The following MAP7D3 variants were observed in gnomAD, a reference collection of about 807,000 sequenced individuals.
The protein encoded by MAP7D3 is MAP7 domain-containing protein 3.
A neutral mutation model predicts 62.2 loss-of-function variants in MAP7D3; 45 were observed. The observed-to-expected ratio is 0.72, with a 90% CI of 0.57 to 0.93. MAP7D3 has a LOEUF of 0.93. Ranked by LOEUF, MAP7D3 falls within the 40% of genes least tolerant of loss-of-function variation. The probability of loss-of-function intolerance (pLI) is 0.00; values close to 1 mark genes in which losing one functional copy is unlikely to be tolerated. For missense variants in MAP7D3, 711 were observed against 683.1 expected, an observed-to-expected ratio of 1.04 and a Z score of -0.45; for synonymous variants, 288 against 248.8, an observed-to-expected ratio of 1.16 and a Z score of -1.48.
intron 7 of MAP7D3, among the ~76,000 whole-genome samples, chrX:136,235,523 C>G (rs976760633): frequency 2.7e-5 from 3 of 111,567 alleles, no homozygotes; most frequent in Admixed American, 9.5e-5. Context: ...CTGAGACAGG[C>G]GGATCATCTG....
rs774321578 is a variant in MAP7D3, at chrX:136,236,285, T to C, written c.695A>G (p.His232Arg). 2.5e-6 allele frequency: 3 copies of C among 1,198,408 alleles called. No homozygotes were observed. Among genetic ancestry groups the C allele is most frequent in the South Asian group, 3.6e-5 (2 of 55,148 alleles). Residue 232 changes from histidine (H) to arginine (R), a missense_variant, in exon 7 of 19, where the codon CAT (histidine) becomes CGT (arginine). His to Arg is a conservative substitution (Grantham distance 29). Coordinates refer to ENST00000316077, the MANE Select transcript of MAP7D3 (RefSeq NM_024597.4). The part of the protein sequence containing the change: ...SSLNRRDSNL[H>R]SSTDKEQAER... ...GGCTTGTTCTTTATCAGTAGACGAA[T>C]GTAGGTTACTATCTCTTCTATTTAA...
rs1040342425 is a variant in MAP7D3, at chrX:136,232,155, C to T, written c.802G>A (p.Glu268Lys). ...ATGGGAAACATAACAGCCCTCAATT[C>T]GTCGCTAGTACATTTACGCAAGGGT... is the stretch of plus-strand genomic sequence containing the variant. Reference protein sequence around the residue: ...TVPLRKCTSDELRAVMFPMST... With the variant: ...TVPLRKCTSDKLRAVMFPMST... The change falls in exon 8 of 19, where the codon GAA (glutamate) becomes AAA (lysine). Residue 268 changes from glutamate (E) to lysine (K), a missense_variant. Coordinates refer to ENST00000316077, the MANE Select transcript of MAP7D3 (RefSeq NM_024597.4). The T allele has an allele frequency of 2.2e-5, 27 of 1,206,774 alleles. No individual in the cohort carries two copies. The highest frequency in any genetic ancestry group is 2.8e-5 in the Non-Finnish European group (25 of 892,070).
At chrX:136,244,916 C>G in intron 3 of MAP7D3, 121 bp from the exon 4 acceptor site, 2 of 504,721 alleles carry the variant, frequency 4.0e-6, no homozygotes, top group Non-Finnish European at 6.5e-6. Flanking sequence ...AATAACACAA[C>G]CTGTGCTAGT....
chrX:136,218,521 A>T (rs1039935010), intron 18 of MAP7D3, 28 bp from the exon 19 acceptor site: 2 of 111,530 alleles, frequency 1.8e-5, no homozygotes, highest in Non-Finnish European at 3.8e-5. Context: ...TAAAAGAAAG[A>T]TCAGTAGAGA....
intron 1 of MAP7D3, among the ~76,000 whole-genome samples, 172 bp from the exon 2 acceptor site, chrX:136,246,513 C>G (rs2074450786): frequency 8.9e-6 from 1 of 112,087 alleles, no homozygotes; most frequent in Non-Finnish European, 1.9e-5. Flanking sequence ...CTATGATCTT[C>G]AACAACACTT....
At position 136,244,229 on chromosome X, in the gene MAP7D3, G is replaced by A. The variant is rs538804333; in HGVS notation, c.417+403C>T. Among the ~76,000 whole-genome samples, 9 of 111,524 alleles carry A rather than the reference G, an allele frequency of 8.1e-5. No individual in the cohort carries two copies. In the South Asian group the frequency reaches 3.4e-3, roughly 43 times the overall value. On this transcript the variant is annotated intron_variant, in intron 4 of 18. Coordinates refer to ENST00000316077, the MANE Select transcript of MAP7D3 (RefSeq NM_024597.4). ...ACTTTTAAAGGAGTTGTGAGAAATC[G>A]GTCAGATGAGGGCACGTCAGGGAGG...
intron 16 of MAP7D3, 84 bp from the exon 17 acceptor site, chrX:136,219,755 T>A (rs2074101744): frequency 1.4e-6 from 1 of 694,791 alleles, no homozygotes; most frequent in East Asian, 3.2e-5. Flanking sequence ...TTTAATTAAC[T>A]TCTAAGAAAT....
Position 136,236,296 on chromosome X carries a change from A to G in MAP7D3, c.684T>C (p.Asp228=). The G allele has an allele frequency of 8.4e-7, 1 of 1,197,317 alleles. No homozygotes were observed. The highest frequency in any genetic ancestry group is 1.7e-5 in the African/African-American group (1 of 57,530). Reference sequence around the variant, plus strand: ...TATCAGTAGACGAATGTAGGTTACTATCTCTTCTATTTAAAGATGAGCTTC... The same window carrying G: ...TATCAGTAGACGAATGTAGGTTACTGTCTCTTCTATTTAAAGATGAGCTTC... ...KERSSSLNRR[D]SNLHSSTDKE... The change falls in exon 7 of 19, where the codon GAT becomes GAC. Residue 228 remains aspartate (D), a synonymous_variant. Coordinates refer to ENST00000316077, the MANE Select transcript of MAP7D3 (RefSeq NM_024597.4).
downstream of MAP7D3, among the ~76,000 whole-genome samples, chrX:136,215,188 G>A (rs1258375529): frequency 8.9e-6 from 1 of 112,114 alleles, no homozygotes; most frequent in Non-Finnish European, 1.9e-5. Context: ...TAAAGCAGAG[G>A]TCCCCAACCC....
rs776702818 is a variant in MAP7D3 at position 136,222,414 on chromosome X, A to C, written c.2266T>G (p.Leu756Val). Residue 756 changes from leucine to valine, a missense_variant, in exon 15 of 19, where the codon TTG becomes GTG. Coordinates refer to ENST00000316077, the MANE Select transcript of MAP7D3 (RefSeq NM_024597.4). ...ADNEESDKDS[L>V]NEMFPSAILN... ...TAACCTGATGGAAACATTTCATTCAATGAGTCCTTGTCGCTTTCTTCGTTG... is the reference window on the plus strand; with the variant it reads ...TAACCTGATGGAAACATTTCATTCACTGAGTCCTTGTCGCTTTCTTCGTTG... 2 of 1,208,672 alleles carry C rather than the reference A, an allele frequency of 1.7e-6. No homozygotes were observed. The highest frequency in any genetic ancestry group is 1.1e-6 in the Non-Finnish European group (1 of 892,744).
In MAP7D3 at chrX:136,249,555, C is replaced by CAT. The variant is rs751520475; in HGVS notation, c.70+1732_70+1733dup. 7.3e-3 allele frequency among the ~76,000 whole-genome samples: 811 copies of CAT among 111,850 alleles called. 12 individuals carry two copies. The highest frequency in any genetic ancestry group is 0.049 in the Admixed American group (515 of 10,521). On this transcript the variant is annotated intron_variant, in intron 1 of 18. Transcript: ENST00000316077. ...ATATATTTACACTTTATATGTAACA[C>CAT]ATATATATATACATGTATCTATTGC...
intron 10 of MAP7D3, among the ~76,000 whole-genome samples, chrX:136,229,976 TATATATATATATATATA>T (rs1444535234): frequency 1.6e-5 from 1 of 62,067 alleles, no homozygotes; most frequent in African/African-American, 6.6e-5. Flanking sequence ...TATATATATA[TATATATATATATATATA>T]TTTTTTTTTT....
intron 1 of MAP7D3, among the ~76,000 whole-genome samples, chrX:136,247,868 G>A (rs2074465757): frequency 8.9e-6 from 1 of 112,008 alleles, no homozygotes; most frequent in African/African-American, 3.2e-5. Context: ...CTCCTGCTTA[G>A]AAGTCCCAAG....
chrX:136,244,543 A>G, intron 4 of MAP7D3, 89 bp downstream of exon 4: 1 of 838,860 alleles, frequency 1.2e-6, no homozygotes, highest in South Asian at 2.6e-5. Context: ...TCTACAGGGC[A>G]AGTAAGGCAG....
chrX:136,232,106 T>G lies in MAP7D3; in HGVS notation c.851A>C (p.Gln284Pro). ...CAAGGGAGACTCTTCTACTTTTGTT[T>G]GAGGAGGTATTTTCATTGTCGACAT... Reference protein sequence around the residue: ...FPMSTMKIPPQTKVEESPLEK... With the variant: ...FPMSTMKIPPPTKVEESPLEK... The change falls in exon 8 of 19, where the codon CAA becomes CCA. Residue 284 changes from glutamine (Q) to proline (P), a missense_variant. Coordinates refer to ENST00000316077, the MANE Select transcript of MAP7D3 (RefSeq NM_024597.4). The G allele has an allele frequency of 8.3e-7, 1 of 1,209,235 alleles. No homozygotes were observed. Among genetic ancestry groups the G allele is most frequent in the South Asian group, 1.8e-5 (1 of 56,941 alleles).
chrX:136,256,429 C>A (rs2074551764), exon 1 of MAP7D3: 2 of 793,465 alleles, frequency 2.5e-6, no homozygotes, highest in Admixed American at 5.6e-5. Context: ...GCACAGAGGA[C>A]CAGGGTGACC....
Position 136,231,601 on chromosome X carries a change from T to C in MAP7D3, c.1356A>G (p.Thr452=), listed in dbSNP as rs377762273. Residue 452 remains threonine (T), a synonymous_variant, in exon 8 of 19, where the codon ACA becomes ACG. Transcript: ENST00000316077. ...ATGCTTCCATGCTTGCTTCAAGGGA[T>C]GTCTTGGGGGATGCTTTCACCATCG... ...PEAMVKASPK[T]SLEASMEASP... 8.3e-6 allele frequency: 10 copies of C among 1,210,480 alleles called. No individual in the cohort carries two copies. Among genetic ancestry groups the C allele is most frequent in the Non-Finnish European group, 1.1e-5 (10 of 895,052 alleles).
rs2074506285 is a variant in MAP7D3 at position 136,251,277 on chromosome X, C to T, written c.70+12G>A. The T allele has an allele frequency of 8.9e-7, 1 of 1,128,945 alleles. No homozygotes were observed. The allele number at this position is 1,128,945 out of a possible 1,213,427, so 93.0% of individuals were successfully genotyped here. A position where few individuals can be genotyped will look rare whatever the true frequency, so the allele number is the denominator to read the frequency against. ...GGCCCGAACCACCCCCGGGAGCCAC[C>T]CGCCCGCTCACCCATCCGTGCCCGC... On this transcript the variant is annotated intron_variant, in intron 1 of 18. Coordinates refer to ENST00000316077, the MANE Select transcript of MAP7D3 (RefSeq NM_024597.4).
intron 16 of MAP7D3, 96 bp from the exon 17 acceptor site, chrX:136,219,767 C>G (rs772118592): frequency 1.5e-5 from 10 of 663,785 alleles, no homozygotes; most frequent in African/African-American, 1.3e-4. Flanking sequence ...CTAAGAAATG[C>G]CTTGGAATTA....
Sources: allele counts gnomAD v4.1 joint callset (sites outside exome capture counted in the v4.1 genomes callset), GRCh38; gene constraint gnomAD v4.1.1; transcripts MANE v1.5; gene names NCBI Gene and HGNC (gene_info 2026-07-23, HGNC 2026-07-21).